The following SLC39A14 variants were observed in gnomAD, a reference collection of about 807,000 sequenced individuals.
SLC39A14 encodes solute carrier family 39 member 14.
A neutral mutation model predicts 45.5 loss-of-function variants in SLC39A14; 19 were observed. The observed-to-expected ratio is 0.42, with a 90% CI of 0.29 to 0.61. SLC39A14 has a LOEUF of 0.61. SLC39A14 is among the 20% of genes least tolerant of loss of function. SLC39A14 has a pLI of 0.22. For missense variants in SLC39A14, 447 were observed against 616.5 expected, an observed-to-expected ratio of 0.73 and a Z score of 2.91; for synonymous variants, 264 against 251.3, an observed-to-expected ratio of 1.05 and a Z score of -0.48.
intron 1 of SLC39A14, among the ~76,000 whole-genome samples, chr8:22,387,260 T>G (rs1833842231): frequency 6.6e-6 from 1 of 152,092 alleles, no homozygotes; most frequent in Non-Finnish European, 1.5e-5. Context: ...TCCACTCTCT[T>G]GCTGATGGGC....
chr8:22,372,712 AT>A (rs1244663598), intron 1 of SLC39A14, among the ~76,000 whole-genome samples: 4 of 152,120 alleles, frequency 2.6e-5, no homozygotes, highest in African/African-American at 9.7e-5. Context: ...TAGATGAGTA[AT>A]TCTCAAACTT....
At chr8:22,386,581 A>G (rs980597920) in intron 1 of SLC39A14, among the ~76,000 whole-genome samples, 13 of 152,200 alleles carry the variant, frequency 8.5e-5, no homozygotes, top group African/African-American at 3.1e-4. Context: ...TGACTCTTTC[A>G]TTAAGCTGTG....
rs1200005207 is a variant in SLC39A14, at chr8:22,412,069, A to G, written c.490A>G (p.Ile164Val). ...ATACGGTCTCCTCTGTGTGACCGTC[A>G]TCTCCCTCTGCTCCCTCCTGGGGGC... Reference protein sequence around the residue: ...WGYGLLCVTVISLCSLLGASV... With the variant: ...WGYGLLCVTVVSLCSLLGASV... The change falls in exon 4 of 9, where the codon ATC becomes GTC. Residue 164 changes from isoleucine (I) to valine (V), a missense_variant. Ile to Val is a conservative substitution (Grantham distance 29). Coordinates refer to ENST00000381237, the MANE Select transcript of SLC39A14 (RefSeq NM_001128431.4). 8.4e-6 allele frequency: 13 copies of G among 1,551,576 alleles called. No individual in the cohort carries two copies. The highest frequency in any genetic ancestry group is 1.1e-5 in the Non-Finnish European group (13 of 1,146,998).
Position 22,417,703 on chromosome 8 carries a change from C to A in SLC39A14, c.1200C>A (p.Phe400Leu). The A allele has an allele frequency of 6.2e-7, 1 of 1,614,156 alleles. No individual in the cohort carries two copies. Among genetic ancestry groups the A allele is most frequent in the Non-Finnish European group, 8.5e-7 (1 of 1,180,018 alleles). The stretch of plus-strand genomic sequence containing the variant: ...GGATGAGCATCCAACAAGCTCTCTT[C>A]TTCAACTTCCTTTCTGCCTGCTGCT... ...NAGMSIQQAL[F>L]FNFLSACCCY... The change falls in exon 8 of 9, where the codon TTC becomes TTA. Residue 400 changes from phenylalanine (F) to leucine (L), a missense_variant. Physicochemically the swap from Phe to Leu is conservative, Grantham distance 22. This residue lies in a region of SLC39A14 where 105 missense variants were observed against 188.4 expected (regional missense o/e 0.56). Transcript: ENST00000381237.
At chr8:22,376,050 G>A (rs765991455) in intron 1 of SLC39A14, among the ~76,000 whole-genome samples, 122 of 152,282 alleles carry the variant, frequency 8.0e-4, no homozygotes, top group Non-Finnish European at 1.6e-3. Flanking sequence ...ATCCCACACT[G>A]TTTAGTTATT....
At chr8:22,398,379 G>C (rs1300202720) in intron 1 of SLC39A14, 2 of 152,306 alleles carry the variant, frequency 1.3e-5, no homozygotes, top group African/African-American at 4.8e-5. Context: ...CACAGTGGGC[G>C]CGAGGGGTCG....
At position 22,422,070 on chromosome 8, in the gene SLC39A14, C is replaced by G. The variant is rs1586758113; in HGVS notation, c.*2372C>G. 3.0e-6 allele frequency: 3 copies of G among 985,266 alleles called. No individual in the cohort carries two copies. The East Asian group carries it at 3.4e-4, about 112-fold the overall frequency. The allele number at this position is 985,266 out of a possible 1,614,324, so 61.0% of individuals were successfully genotyped here. The stretch of plus-strand genomic sequence containing the variant: ...CTCATGAGTCAAAAATTGGCAATTT[C>G]TTTTGATTTTTAGTTGTTGAATTTG... On this transcript the variant is annotated 3_prime_UTR_variant, in exon 9 of 9. Coordinates refer to ENST00000381237, the MANE Select transcript of SLC39A14 (RefSeq NM_001128431.4).
intron 2 of SLC39A14, 129 bp from the exon 3 acceptor site, chr8:22,408,181 C>T (rs2132324746): frequency 2.4e-6 from 2 of 823,732 alleles, no homozygotes; most frequent in Non-Finnish European, 3.8e-6. Context: ...GATGAATCTA[C>T]AAATTCCCTG....
chr8:22,411,300 A>G (rs575611301), intron 3 of SLC39A14, among the ~76,000 whole-genome samples: 2 of 152,298 alleles, frequency 1.3e-5, no homozygotes. Flanking sequence ...CAACTGGGAA[A>G]TGTTCAAGGA....
chr8:22,421,207 T>C lies in SLC39A14; in HGVS notation c.*1509T>C, dbSNP rs1836208874. On this transcript the variant is annotated 3_prime_UTR_variant, in exon 9 of 9. Coordinates refer to ENST00000381237, the MANE Select transcript of SLC39A14 (RefSeq NM_001128431.4). ...TTGCAAACTGATTCATGTGCATGGC[T>C]GACAGGAGTACTGGTTCACTACCAA... 2.0e-6 allele frequency: 2 copies of C among 985,866 alleles called. No homozygotes were observed. The highest frequency in any genetic ancestry group is 3.5e-5 in the African/African-American group (2 of 57,372). 61.1% of individuals were successfully genotyped at this position (985,866 alleles called of 1,614,324 possible).
chr8:22,412,248 G>A (rs768596917), intron 4 of SLC39A14, 42 bp downstream of exon 4: 118 of 1,542,970 alleles, frequency 7.6e-5, no homozygotes, highest in Non-Finnish European at 1.0e-4. Flanking sequence ...ATGCCGGCGG[G>A]CACAGTGGGA....
In SLC39A14 at chr8:22,367,305, C is replaced by T. The variant is rs1159467999; in HGVS notation, c.-119C>T. ...CCGGACGCAGTGAGGGGGGTCGGCG[C>T]GCGTGTCTACGCGGACGCACCGGCT... On this transcript the variant is annotated 5_prime_UTR_variant, in exon 1 of 9. Coordinates refer to ENST00000381237, the MANE Select transcript of SLC39A14 (RefSeq NM_001128431.4). This position sits in a 1 kb window ranked among gnomAD's most constrained non-coding sequence, Gnocchi z 4.2. 2 of 151,708 alleles carry T rather than the reference C, an allele frequency of 1.3e-5. No individual in the cohort carries two copies. The highest frequency in any genetic ancestry group is 4.8e-5 in the African/African-American group (2 of 41,400). The allele number at this position is 151,708 out of a possible 1,614,324, so 9.4% of individuals were successfully genotyped here. A position where few individuals can be genotyped will look rare whatever the true frequency, so the allele number is the denominator to read the frequency against.
chr8:22,417,584 G>A, intron 7 of SLC39A14, 67 bp from the exon 8 acceptor site: 4 of 1,335,134 alleles, frequency 3.0e-6, no homozygotes, highest in Non-Finnish European at 4.2e-6. Context: ...GATGACAGGT[G>A]TGCATTCACC....
At chr8:22,387,550 G>T (rs990110103) in intron 1 of SLC39A14, among the ~76,000 whole-genome samples, 1 of 152,182 alleles carries the variant, frequency 6.6e-6, no homozygotes, top group Non-Finnish European at 1.5e-5. Context: ...TGTTGTCAGG[G>T]AAGTCACTTC....
intron 1 of SLC39A14, among the ~76,000 whole-genome samples, chr8:22,384,864 A>G (rs984612359): frequency 3.9e-5 from 6 of 152,094 alleles, no homozygotes; most frequent in African/African-American, 1.2e-4. Flanking sequence ...AGCGTCACCA[A>G]CAAGGTGAAA....
intron 1 of SLC39A14, among the ~76,000 whole-genome samples, chr8:22,396,728 C>T (rs1295771844): frequency 6.6e-6 from 1 of 151,208 alleles, no homozygotes; most frequent in Non-Finnish European, 1.5e-5. Flanking sequence ...TTTGCTCTTC[C>T]CCGGTAGCTT....
chr8:22,419,793 G>A lies in SLC39A14; in HGVS notation c.*95G>A, dbSNP rs1836123593. On this transcript the variant is annotated 3_prime_UTR_variant, in exon 9 of 9. Coordinates refer to ENST00000381237, the MANE Select transcript of SLC39A14 (RefSeq NM_001128431.4). ...CCATCCACAATGCACCACGGAAGAG[G>A]CCGTTCTATGAAAAACTGACACAGA... 1 of 1,465,900 alleles carries A rather than the reference G, an allele frequency of 6.8e-7. No homozygotes were observed. The highest frequency in any genetic ancestry group is 1.4e-5 in the African/African-American group (1 of 70,690). 90.8% of individuals were successfully genotyped at this position (1,465,900 alleles called of 1,614,324 possible).
Position 22,421,074 on chromosome 8 carries a change from TTTA to T in SLC39A14, c.*1384_*1386del. ...TCTCCAGGTTCACTAGGTGAATTGA[TTTA>T]TTATTATCATATTGATAATGTGAGA... On this transcript the variant is annotated 3_prime_UTR_variant, in exon 9 of 9. Coordinates refer to ENST00000381237, the MANE Select transcript of SLC39A14 (RefSeq NM_001128431.4). The T allele has an allele frequency of 1.0e-6, 1 of 985,832 alleles. No homozygotes were observed. Among genetic ancestry groups the T allele is most frequent in the Non-Finnish European group, 1.2e-6 (1 of 829,906 alleles). 61.1% of individuals were successfully genotyped at this position (985,832 alleles called of 1,614,324 possible). A position where few individuals can be genotyped will look rare whatever the true frequency, so the allele number is the denominator to read the frequency against.
chr8:22,429,044 G>A lies in SLC39A14; in HGVS notation c.1333-4847G>A, dbSNP rs371314956. Among the ~76,000 whole-genome samples the A allele has an allele frequency of 5.9e-5, 9 of 152,060 alleles. No homozygotes were observed. In the South Asian group the frequency reaches 6.2e-4, roughly 11 times the overall value. On this transcript the variant is annotated intron_variant, in intron 8 of 8. Transcript: ENST00000240095. ...TCCTAGCACTTTGGGAGGCCGAGGC[G>A]GGTGGATCGCAAGGTCAGGAGATCG...
Sources: allele counts gnomAD v4.1 joint callset (sites outside exome capture counted in the v4.1 genomes callset), GRCh38; gene constraint gnomAD v4.1.1; regional missense constraint gnomAD v4.1.1; non-coding constraint Gnocchi (gnomAD v3.1); transcripts MANE v1.5; gene names NCBI Gene and HGNC (gene_info 2026-07-23, HGNC 2026-07-21).